Variants in EYA1 observed in about 807,000 individuals in gnomAD.
EYA1 encodes protein phosphatase EYA1.
A neutral mutation model predicts 82.0 loss-of-function variants in EYA1; 16 were observed. The observed-to-expected ratio is 0.20, with a 90% CI of 0.13 to 0.30. The LOEUF is 0.30. Among genes scored for constraint, EYA1 ranks in the 10% least tolerant of loss-of-function variants. The probability of loss-of-function intolerance (pLI) is 1.00; values close to 1 mark genes in which losing one functional copy is unlikely to be tolerated. For synonymous variants in EYA1, 261 were observed against 264.4 expected (o/e 0.99, Z 0.12); for missense variants, 633 against 730.7 (o/e 0.87, Z 1.54).
chr8:71,395,008 A>G (rs1229496484), intron 2 of EYA1, among the ~76,000 whole-genome samples: 1 of 152,118 alleles, frequency 6.6e-6, no homozygotes, highest in Non-Finnish European at 1.5e-5. Context: ...GGTCCTTCAC[A>G]TCCCTTGTAA....
intron 11 of EYA1, among the ~76,000 whole-genome samples, chr8:71,263,412 C>T (rs1171911812): frequency 6.6e-6 from 1 of 152,196 alleles, no homozygotes; most frequent in Non-Finnish European, 1.5e-5. Flanking sequence ...CAACCTGGAA[C>T]ATCCCCACTC....
At chr8:71,367,554 A>G (rs1177178393) in intron 2 of EYA1, among the ~76,000 whole-genome samples, 3 of 24,996 alleles carry the variant, frequency 1.2e-4, no homozygotes, top group Non-Finnish European at 1.7e-4. Context: ...CCAAATCGGA[A>G]AAAAAAAAAA....
chr8:71,465,607 G>A (rs1808714610), intron 2 of EYA1, among the ~76,000 whole-genome samples: 1 of 152,102 alleles, frequency 6.6e-6, no homozygotes, highest in Admixed American at 6.6e-5. Flanking sequence ...GGGCAACAGA[G>A]CAAGACTCCA....
At chr8:71,467,826 A>G (rs1373855253) in intron 2 of EYA1, among the ~76,000 whole-genome samples, 1 of 152,168 alleles carries the variant, frequency 6.6e-6, no homozygotes, top group Non-Finnish European at 1.5e-5. Context: ...CTACAGATTG[A>G]GTTTCATTAA....
intron 3 of EYA1, among the ~76,000 whole-genome samples, chr8:71,337,109 C>T (rs1299331630): frequency 3.3e-5 from 5 of 152,136 alleles, no homozygotes; most frequent in Non-Finnish European, 7.4e-5. Flanking sequence ...CTCTCCAACG[C>T]TTTGAATTTA....
At chr8:71,251,211 T>A (rs1475805850) in intron 11 of EYA1, among the ~76,000 whole-genome samples, 1 of 152,226 alleles carries the variant, frequency 6.6e-6, no homozygotes, top group East Asian at 1.9e-4. Context: ...TGTTCTTATG[T>A]GCCATGAAAT....
chr8:71,391,335 T>C (rs1044144340), intron 2 of EYA1, among the ~76,000 whole-genome samples: 1 of 152,152 alleles, frequency 6.6e-6, no homozygotes, highest in African/African-American at 2.4e-5. Flanking sequence ...AGAACTCCCA[T>C]CTTCCTGTTC....
chr8:71,394,808 GT>G (rs1281942273), intron 2 of EYA1, among the ~76,000 whole-genome samples: 1 of 152,142 alleles, frequency 6.6e-6, no homozygotes, highest in African/African-American at 2.4e-5. Flanking sequence ...CTTTAAAGTA[GT>G]TTTTTCCAAT....
chr8:71,287,823 T>C (rs1341279459), intron 9 of EYA1, among the ~76,000 whole-genome samples: 1 of 152,240 alleles, frequency 6.6e-6, no homozygotes, highest in Non-Finnish European at 1.5e-5. Context: ...TAAATATCTC[T>C]TGAATGCCCG....
intron 1 of EYA1, among the ~76,000 whole-genome samples, chr8:71,538,947 T>C (rs12680765): frequency 0.19 from 29,131 of 152,024 alleles, 2,827 homozygotes; most frequent in Admixed American, 0.23. Flanking sequence ...CACTTGTGCA[T>C]CTACCCTAAA....
intron 12 of EYA1, among the ~76,000 whole-genome samples, chr8:71,219,991 G>A (rs1050060722): frequency 5.3e-5 from 8 of 152,128 alleles, no homozygotes; most frequent in African/African-American, 1.7e-4. Flanking sequence ...ACTGAGGGAG[G>A]GTGCAGGGCC....
At position 71,299,036 on chromosome 8, in the gene EYA1, C is replaced by A. The variant is rs748662720; in HGVS notation, c.826+11G>T. ...TATCACCTGCAGGACTAATAATATTCACATAATTACCTGCTGTGGGATCTG... is the reference window on the plus strand; with the variant it reads ...TATCACCTGCAGGACTAATAATATTAACATAATTACCTGCTGTGGGATCTG... On this transcript the variant is annotated intron_variant, in intron 9 of 17. Coordinates refer to ENST00000340726, the MANE Select transcript of EYA1 (RefSeq NM_000503.6). 6.2e-7 allele frequency: 1 copy of A among 1,611,204 alleles called. No individual in the cohort carries two copies. The highest frequency in any genetic ancestry group is 2.2e-5 in the East Asian group (1 of 44,864).
intron 11 of EYA1, among the ~76,000 whole-genome samples, chr8:71,253,463 G>A (rs1405302149): frequency 2.0e-5 from 3 of 152,158 alleles, no homozygotes; most frequent in Admixed American, 6.5e-5. Context: ...GCTCTCTGAT[G>A]TGAGTATAGC....
At chr8:71,519,109 G>A (rs1348877414) in intron 2 of EYA1, among the ~76,000 whole-genome samples, 1 of 152,068 alleles carries the variant, frequency 6.6e-6, no homozygotes, top group Non-Finnish European at 1.5e-5. Context: ...CTATGACAAT[G>A]AATATTAACG....
At chr8:71,259,653 T>C (rs1814862856) in intron 11 of EYA1, among the ~76,000 whole-genome samples, 1 of 152,194 alleles carries the variant, frequency 6.6e-6, no homozygotes, top group Admixed American at 6.5e-5. Context: ...GAAATGATCT[T>C]CTTGACCCGT....
chr8:71,316,316 A>G (rs1258813341), intron 7 of EYA1, among the ~76,000 whole-genome samples: 1 of 152,084 alleles, frequency 6.6e-6, no homozygotes, highest in Non-Finnish European at 1.5e-5. Flanking sequence ...TGTAGATAAG[A>G]TATGCATAGC....
intron 17 of EYA1, among the ~76,000 whole-genome samples, chr8:71,203,131 C>T (rs1807275105): frequency 6.6e-6 from 1 of 152,168 alleles, no homozygotes; most frequent in Admixed American, 6.5e-5. Flanking sequence ...GTTATATTCT[C>T]AACTTTGACA....
intron 3 of EYA1, among the ~76,000 whole-genome samples, chr8:71,354,300 T>TA (rs1351825318): frequency 1.3e-5 from 2 of 152,152 alleles, no homozygotes; most frequent in Non-Finnish European, 2.9e-5. Flanking sequence ...AGCCAAAGCC[T>TA]TAAGAACACT....
At chr8:71,330,472 C>G (rs76994146) in intron 4 of EYA1, among the ~76,000 whole-genome samples, 3,314 of 152,276 alleles carry the variant, frequency 0.022, 69 homozygotes, top group African/African-American at 0.057. Context: ...TAAATGCCAT[C>G]CCTCTCTCTA....
Sources: gnomAD v4.1 joint callset for allele counts (sites outside exome capture counted in the v4.1 genomes callset) on GRCh38, gnomAD v4.1.1 for gene constraint, MANE v1.5 for transcripts, NCBI Gene and HGNC (gene_info 2026-07-23, HGNC 2026-07-21) for gene names.